ZNF704: variants seen among roughly 807,000 people sequenced by gnomAD.
ZNF704 encodes the protein zinc finger protein 704.
ZNF704 carries 10 observed loss-of-function variants against 44.7 expected under a neutral mutation model. The ratio of observed to expected loss-of-function variants is 0.22; its 90% CI spans 0.14 to 0.38. The LOEUF (loss-of-function observed/expected upper bound fraction) is 0.38, where lower values mean the gene tolerates loss of function less well. Ranked by LOEUF, ZNF704 falls within the 10% of genes least tolerant of loss-of-function variation. The pLI, the probability that ZNF704 is intolerant of heterozygous loss-of-function variation, is 1.00. For synonymous variants in ZNF704, 211 were observed against 207.6 expected, an observed-to-expected ratio of 1.02 and a Z score of -0.14; for missense variants, 390 against 545.5, an observed-to-expected ratio of 0.71 and a Z score of 2.84.
In ZNF704 at chr8:80,798,914, G is replaced by C. The variant is rs74814285; in HGVS notation, c.221+22460C>G. 5.5e-3 allele frequency among the ~76,000 whole-genome samples: 832 copies of C among 152,316 alleles called. 8 individuals are homozygous for C. Among genetic ancestry groups the C allele is most frequent in the African/African-American group, 0.019 (803 of 41,566 alleles). ...GGTTTAGGGGCCGTATCTGGTGAGGGCTTTCTTGCTGGTGGGAACTCTTTA... is the reference window on the plus strand; with the variant it reads ...GGTTTAGGGGCCGTATCTGGTGAGGCCTTTCTTGCTGGTGGGAACTCTTTA... On this transcript the variant is annotated intron_variant, in intron 2 of 8. Transcript: ENST00000327835.
At chr8:80,770,411 G>A (rs184713602) in intron 2 of ZNF704, among the ~76,000 whole-genome samples, 108 of 152,268 alleles carry the variant, frequency 7.1e-4, no homozygotes, top group African/African-American at 2.6e-3. Flanking sequence ...ACAGCCCATT[G>A]TGGTTTTAAT....
Position 80,632,693 on chromosome 8 carries a change from T to C in ZNF704, c.*8673A>G, listed in dbSNP as rs1817606101. On this transcript the variant is annotated 3_prime_UTR_variant, in exon 9 of 9. Coordinates refer to ENST00000327835, the MANE Select transcript of ZNF704 (RefSeq NM_001033723.3). ...ACATTTTAAAAAACAAGGACTACAG[T>C]TTAATCACCATCTCTGCCTCCTTTC... is the stretch of plus-strand genomic sequence containing the variant. The C allele has an allele frequency of 6.6e-6, 1 of 152,170 alleles. No homozygotes were observed. The highest frequency in any genetic ancestry group is 1.5e-5 in the Non-Finnish European group (1 of 68,030). 9.4% of individuals were successfully genotyped at this position (152,170 alleles called of 1,614,324 possible).
chr8:80,782,132 T>A lies in ZNF704; in HGVS notation c.221+39242A>T, dbSNP rs527766767. On this transcript the variant is annotated intron_variant, in intron 2 of 8. Transcript: ENST00000327835. Reference sequence around the variant, plus strand: ...GCTGTCTTCTCTCAGTACCTCTTGCTTTGAGTTAGCGCAGCTGGGATATAT... The same window carrying A: ...GCTGTCTTCTCTCAGTACCTCTTGCATTGAGTTAGCGCAGCTGGGATATAT... Among the ~76,000 whole-genome samples, 5 of 152,306 alleles carry A rather than the reference T, an allele frequency of 3.3e-5. No homozygotes were observed. In the South Asian group the frequency reaches 1.0e-3, roughly 32 times the overall value.
chr8:80,826,259 C>T (rs1183231524), intron 1 of ZNF704, among the ~76,000 whole-genome samples: 1 of 152,036 alleles, frequency 6.6e-6, no homozygotes, highest in African/African-American at 2.4e-5. Context: ...ACCACCGATC[C>T]CACAGAAATA....
At chr8:80,654,652 C>T (rs1245105192) in intron 7 of ZNF704, among the ~76,000 whole-genome samples, 3 of 152,206 alleles carry the variant, frequency 2.0e-5, no homozygotes, top group Non-Finnish European at 4.4e-5. Context: ...TACCATCTCA[C>T]ATCAGTTAGA....
chr8:80,702,930 C>T (rs935049452), intron 2 of ZNF704, among the ~76,000 whole-genome samples: 1 of 152,040 alleles, frequency 6.6e-6, no homozygotes, highest in African/African-American at 2.4e-5. Flanking sequence ...GGCAAATGAG[C>T]AGGATGTCAG....
chr8:80,875,759 A>G (rs1171517128), upstream of ZNF704, among the ~76,000 whole-genome samples: 1 of 152,248 alleles, frequency 6.6e-6, no homozygotes, highest in Non-Finnish European at 1.5e-5. Flanking sequence ...TTGGACATTT[A>G]ACATCATATG....
intron 1 of ZNF704, among the ~76,000 whole-genome samples, chr8:80,870,205 TTACAC>T (rs1355564487): frequency 1.3e-5 from 2 of 152,226 alleles, no homozygotes; most frequent in African/African-American, 4.8e-5. Context: ...TAGTAATTTG[TTACAC>T]TACACTACAA....
Position 80,692,457 on chromosome 8 carries a change from T to TC in ZNF704, c.325+546dup, listed in dbSNP as rs542436320. 1.3e-3 allele frequency among the ~76,000 whole-genome samples: 201 copies of TC among 152,322 alleles called. 1 individual carries two copies. Among genetic ancestry groups the TC allele is most frequent in the Non-Finnish European group, 2.0e-3 (139 of 68,012 alleles). On this transcript the variant is annotated intron_variant, in intron 3 of 8. Transcript: ENST00000327835. ...TATGGCTATGATTGATGGTCTTTCTTCCCCAAAGAGATAGTATACTACCTG... is the reference window on the plus strand; with the variant it reads ...TATGGCTATGATTGATGGTCTTTCTTCCCCCAAAGAGATAGTATACTACCTG...
intron 7 of ZNF704, among the ~76,000 whole-genome samples, chr8:80,644,259 C>A (rs926840393): frequency 6.6e-6 from 1 of 152,064 alleles, no homozygotes; most frequent in Non-Finnish European, 1.5e-5. Flanking sequence ...GGCACCAGGA[C>A]CTGTGTTTAA....
chr8:80,697,139 C>G (rs891595876), intron 2 of ZNF704, among the ~76,000 whole-genome samples: 2 of 152,124 alleles, frequency 1.3e-5, no homozygotes, highest in Non-Finnish European at 2.9e-5. Flanking sequence ...CCTGGGCTTA[C>G]TGGGAGACTA....
chr8:80,642,909 G>A (rs1817767152), intron 8 of ZNF704, 126 bp downstream of exon 8: 1 of 542,138 alleles, frequency 1.8e-6, no homozygotes, highest in African/African-American at 2.0e-5. Flanking sequence ...GGGAAAAAAA[G>A]AAAGGGTGTT....
At chr8:80,803,902 C>A (rs1050218177) in intron 2 of ZNF704, among the ~76,000 whole-genome samples, 2 of 152,084 alleles carry the variant, frequency 1.3e-5, no homozygotes, top group Non-Finnish European at 2.9e-5. Flanking sequence ...ACACAACCTA[C>A]AGAATAGGAG....
intron 7 of ZNF704, among the ~76,000 whole-genome samples, chr8:80,651,679 G>C (rs1333336490): frequency 2.0e-5 from 3 of 152,182 alleles, no homozygotes; most frequent in African/African-American, 7.2e-5. Flanking sequence ...AGTCCTTAGA[G>C]ACCTACAAAG....
chr8:80,689,036 G>A (rs1398901573), intron 3 of ZNF704, among the ~76,000 whole-genome samples: 2 of 150,794 alleles, frequency 1.3e-5, no homozygotes, highest in Admixed American at 1.3e-4. Flanking sequence ...CAAGATGCAC[G>A]ACCTTAATTA....
At chr8:80,722,730 C>T (rs1806394107) in intron 2 of ZNF704, among the ~76,000 whole-genome samples, 1 of 152,184 alleles carries the variant, frequency 6.6e-6, no homozygotes, top group Non-Finnish European at 1.5e-5. Context: ...TGTACACTCT[C>T]TACTGTGTTC....
At chr8:80,801,656 A>G (rs529079874) in intron 2 of ZNF704, among the ~76,000 whole-genome samples, 2 of 152,238 alleles carry the variant, frequency 1.3e-5, no homozygotes, top group Non-Finnish European at 2.9e-5. Flanking sequence ...TCTGGGACGT[A>G]GCTAAAGCAG....
intron 2 of ZNF704, among the ~76,000 whole-genome samples, chr8:80,726,757 G>C (rs1350225475): frequency 1.3e-5 from 2 of 151,990 alleles, no homozygotes; most frequent in South Asian, 2.1e-4. Context: ...TTTTTCATGA[G>C]AGAATAATTT....
rs555280661 is a variant in ZNF704, at chr8:80,693,193, C to T, written c.222-86G>A. On this transcript the variant is annotated intron_variant, in intron 2 of 8. Transcript: ENST00000327835. ...GGTGTGACACGCTGTCACGCATTTA[C>T]TCCATTAACTTATCCCCATGAACAA... 6 of 1,092,284 alleles carry T rather than the reference C, an allele frequency of 5.5e-6. No homozygotes were observed. In the Admixed American group the frequency reaches 5.5e-5, roughly 10 times the overall value. 67.7% of individuals were successfully genotyped at this position (1,092,284 alleles called of 1,614,324 possible).
Sources: gnomAD v4.1 joint callset for allele counts (sites outside exome capture counted in the v4.1 genomes callset) on GRCh38, gnomAD v4.1.1 for gene constraint, MANE v1.5 for transcripts, NCBI Gene and HGNC (gene_info 2026-07-23, HGNC 2026-07-21) for gene names.